Variants in ZDHHC11B observed in about 807,000 individuals in gnomAD.
ZDHHC11B encodes the protein probable palmitoyltransferase ZDHHC11B.
Under a neutral mutation model 42.3 loss-of-function variants are expected in ZDHHC11B, and 17 were observed. The ratio of observed to expected loss-of-function variants is 0.40; its 90% CI spans 0.27 to 0.60. The LOEUF (loss-of-function observed/expected upper bound fraction) is 0.60, where lower values mean the gene tolerates loss of function less well. ZDHHC11B is among the 20% of genes least tolerant of loss of function. The pLI is 0.41. For synonymous variants in ZDHHC11B, 123 were observed against 193.5 expected (o/e 0.64, Z 3.02); for missense variants, 262 against 463.2 (o/e 0.57, Z 3.99).
At chr5:761,113 C>G (rs1335163457) in intron 4 of ZDHHC11B, among the ~76,000 whole-genome samples, 1 of 151,876 alleles carries the variant, frequency 6.6e-6, no homozygotes, top group East Asian at 1.9e-4. Flanking sequence ...AAAATCCTGT[C>G]AAGCACATCT....
Position 776,333 on chromosome 5 carries a change from C to T in ZDHHC11B, c.-229-7403G>A, listed in dbSNP as rs553998494. On this transcript the variant is annotated intron_variant, in intron 1 of 13. Coordinates refer to ENST00000508859, the MANE Select transcript of ZDHHC11B (RefSeq NM_001351303.2). Reference sequence around the variant, plus strand: ...AAGCCCTGGGATGGCCCCTCTGCAACGCCCAGTGCTCCATCATGACCTGGA... The same window carrying T: ...AAGCCCTGGGATGGCCCCTCTGCAATGCCCAGTGCTCCATCATGACCTGGA... 2.0e-4 allele frequency among the ~76,000 whole-genome samples: 30 copies of T among 151,988 alleles called. No individual in the cohort carries two copies. In the East Asian group the frequency reaches 4.4e-3, roughly 22 times the overall value.
At position 711,740 on chromosome 5, in the gene ZDHHC11B, G is replaced by GTA. The variant is rs1229028186; in HGVS notation, c.*549_*550insTA. On this transcript the variant is annotated 3_prime_UTR_variant, in exon 14 of 14. Transcript: ENST00000508859. ...CAGTACTTTGTGCTCCCATTTCCCA[G>GTA]CACTGTGCTCCCATTTCCCATTACT... 19 of 145,716 alleles carry GTA rather than the reference G, an allele frequency of 1.3e-4. No individual in the cohort carries two copies. Among genetic ancestry groups the GTA allele is most frequent in the South Asian group, 2.1e-4 (1 of 4,668 alleles). 9.0% of individuals were successfully genotyped at this position (145,716 alleles called of 1,614,324 possible).
Position 715,564 on chromosome 5 carries a change from A to T in ZDHHC11B, c.*7+1237T>A, listed in dbSNP as rs1203196107. ...GTTTCTTGCAATCTTTCCACATCTC[A>T]TTCATCTCCCCTTCAATCTCAGTGG... On this transcript the variant is annotated intron_variant, in intron 13 of 13. Coordinates refer to ENST00000508859, the MANE Select transcript of ZDHHC11B (RefSeq NM_001351303.2). Among the ~76,000 whole-genome samples, 8 of 151,264 alleles carry T rather than the reference A, an allele frequency of 5.3e-5. No homozygotes were observed. In the South Asian group the frequency reaches 6.3e-4, roughly 12 times the overall value.
intron 3 of ZDHHC11B, 40 bp from the exon 4 acceptor site, chr5:766,959 CG>C (rs1735510339): frequency 1.3e-6 from 2 of 1,595,792 alleles, no homozygotes; most frequent in Non-Finnish European, 8.6e-7. Flanking sequence ...CCATCAGCTC[CG>C]GGGAGGGCCG....
At chr5:720,475 C>T (rs1161609464) in intron 12 of ZDHHC11B, among the ~76,000 whole-genome samples, 1 of 151,656 alleles carries the variant, frequency 6.6e-6, no homozygotes, top group East Asian at 1.9e-4. Context: ...CTCAGATAGA[C>T]AAAAATTGAG....
chr5:727,274 G>A (rs1235574070), intron 12 of ZDHHC11B, among the ~76,000 whole-genome samples: 1 of 128,116 alleles, frequency 7.8e-6, no homozygotes, highest in Non-Finnish European at 1.8e-5. Flanking sequence ...GAAGAGCAAG[G>A]CAGGAACTTC....
intron 13 of ZDHHC11B, among the ~76,000 whole-genome samples, chr5:715,482 A>T (rs374960): frequency 0.49 from 68,511 of 139,992 alleles, 13,647 homozygotes; most frequent in African/African-American, 0.55. Context: ...AATTTTTTAC[A>T]GCACCAATTT....
chr5:783,611 T>C (rs1346855839), intron 1 of ZDHHC11B, among the ~76,000 whole-genome samples: 1 of 150,962 alleles, frequency 6.6e-6, no homozygotes, highest in African/African-American at 2.5e-5. Context: ...CAACACCCCA[T>C]CAAAACAGCA....
chr5:727,210 T>C (rs1294079181), intron 12 of ZDHHC11B, among the ~76,000 whole-genome samples: 1 of 134,164 alleles, frequency 7.5e-6, no homozygotes. Flanking sequence ...CCTGGAACTC[T>C]GGCGCTGCCC....
intron 12 of ZDHHC11B, among the ~76,000 whole-genome samples, chr5:724,149 C>G (rs1269298036): frequency 1.3e-5 from 2 of 151,744 alleles, no homozygotes; most frequent in Non-Finnish European, 2.9e-5. Flanking sequence ...CTCCCTCACT[C>G]AGTTCCCCTT....
rs372553419 is a variant in ZDHHC11B at position 738,939 on chromosome 5, T to G, written c.935+2655A>C. 7.7e-4 allele frequency among the ~76,000 whole-genome samples: 116 copies of G among 151,054 alleles called. 6 individuals carry two copies. Among genetic ancestry groups the G allele is most frequent in the African/African-American group, 2.6e-3 (105 of 40,836 alleles). On this transcript the variant is annotated intron_variant, in intron 10 of 13. Transcript: ENST00000508859. ...AACAAAGATAAATAGATGCAATTTA[T>G]CTTAATTTATCTTTATTTTAAATAA...
intron 12 of ZDHHC11B, among the ~76,000 whole-genome samples, chr5:727,174 T>C (rs1193362722): frequency 7.4e-6 from 1 of 135,342 alleles, no homozygotes; most frequent in Non-Finnish European, 1.6e-5. Flanking sequence ...CCTCTTGAGC[T>C]GGAGAACCCG....
intron 6 of ZDHHC11B, among the ~76,000 whole-genome samples, chr5:751,746 G>T (rs71591193): frequency 8.2e-6 from 1 of 122,468 alleles, no homozygotes; most frequent in Non-Finnish European, 1.8e-5. Context: ...ATCCTGTGAC[G>T]CCCCCCCAGG....
chr5:728,563 C>T (rs1310780969), intron 12 of ZDHHC11B, among the ~76,000 whole-genome samples: 29 of 151,910 alleles, frequency 1.9e-4, no homozygotes, highest in African/African-American at 5.6e-4. Flanking sequence ...CTATATGAAA[C>T]GTCATGAGTG....
At chr5:722,142 T>C (rs1742237730) in intron 12 of ZDHHC11B, among the ~76,000 whole-genome samples, 1 of 152,018 alleles carries the variant, frequency 6.6e-6, no homozygotes, top group East Asian at 1.9e-4. Context: ...ATCTTTTGGA[T>C]ATTTTGGTGA....
At chr5:772,618 A>C (rs1420873683) in intron 1 of ZDHHC11B, among the ~76,000 whole-genome samples, 3 of 151,586 alleles carry the variant, frequency 2.0e-5, no homozygotes, top group Admixed American at 6.6e-5. Flanking sequence ...TAGTAGATGC[A>C]GGAACCCATG....
At chr5:759,746 C>A (rs1282420471) in intron 4 of ZDHHC11B, among the ~76,000 whole-genome samples, 3 of 151,826 alleles carry the variant, frequency 2.0e-5, no homozygotes, top group African/African-American at 7.3e-5. Flanking sequence ...AATTCTTCCC[C>A]ACTTTCCACA....
At chr5:746,664 A>G (rs1230149527) in intron 8 of ZDHHC11B, among the ~76,000 whole-genome samples, 1 of 150,132 alleles carries the variant, frequency 6.7e-6, no homozygotes, top group African/African-American at 2.4e-5. Context: ...TCTCTGCAGC[A>G]CAAGGGCCAG....
At chr5:717,577 T>C (rs1278373507) in intron 12 of ZDHHC11B, among the ~76,000 whole-genome samples, 1 of 151,856 alleles carries the variant, frequency 6.6e-6, no homozygotes, top group African/African-American at 2.4e-5. Flanking sequence ...TCACATGCTA[T>C]AGTCTCCCTT....
Sources: gnomAD v4.1 joint callset for allele counts (sites outside exome capture counted in the v4.1 genomes callset) on GRCh38, gnomAD v4.1.1 for gene constraint, MANE v1.5 for transcripts, NCBI Gene and HGNC (gene_info 2026-07-23, HGNC 2026-07-21) for gene names.